Variants in ADARB2 observed in about 807,000 individuals in gnomAD.
ADARB2 encodes inactive double-stranded RNA-specific editase B2.
In ADARB2, 25 loss-of-function variants were observed where a neutral mutation model predicts 62.2. The observed-to-expected ratio is 0.40, with a 90% confidence interval of 0.29 to 0.56. The LOEUF (loss-of-function observed/expected upper bound fraction) is 0.56, where lower values mean the gene tolerates loss of function less well. Among genes scored for constraint, ADARB2 ranks in the 20% least tolerant of loss-of-function variants. ADARB2 has a pLI of 0.43. For missense variants in ADARB2, 1,071 were observed against 1,077.4 expected, an observed-to-expected ratio of 0.99 and a Z score of 0.08; for synonymous variants, 572 against 500.8, an observed-to-expected ratio of 1.14 and a Z score of -1.90.
At chr10:1,381,668 G>A (rs967096464) in intron 1 of ADARB2, among the ~76,000 whole-genome samples, 8 of 152,194 alleles carry the variant, frequency 5.3e-5, no homozygotes, top group Non-Finnish European at 1.0e-4. Context: ...TAAAAAAAGG[G>A]AAATCCTGCC....
chr10:1,543,882 TCCCATC>T (rs1426823110), intron 1 of ADARB2, among the ~76,000 whole-genome samples: 1 of 151,840 alleles, frequency 6.6e-6, no homozygotes, highest in Non-Finnish European at 1.5e-5. Flanking sequence ...CTCAAGTTCA[TCCCATC>T]AAGTCAATTT....
At chr10:1,490,647 G>A (rs1414075418) in intron 1 of ADARB2, among the ~76,000 whole-genome samples, 2 of 152,098 alleles carry the variant, frequency 1.3e-5, no homozygotes, top group African/African-American at 4.8e-5. Context: ...TAGAGATGGG[G>A]TTTCTCCATG....
chr10:1,623,019 G>A (rs934070076), intron 1 of ADARB2, among the ~76,000 whole-genome samples: 18 of 152,100 alleles, frequency 1.2e-4, no homozygotes, highest in South Asian at 2.1e-4. Flanking sequence ...ACGGACACGC[G>A]CCCCAACACA....
At chr10:1,724,388 C>A (rs577312782) in intron 1 of ADARB2, among the ~76,000 whole-genome samples, 73 of 152,370 alleles carry the variant, frequency 4.8e-4, no homozygotes, top group South Asian at 2.5e-3. Context: ...GGTGAAAGCA[C>A]TCTTCTCCCT....
chr10:1,223,916 T>A (rs1055166735), intron 6 of ADARB2, among the ~76,000 whole-genome samples: 1 of 152,190 alleles, frequency 6.6e-6, no homozygotes, highest in Non-Finnish European at 1.5e-5. Flanking sequence ...AGGCTTTGGT[T>A]TCAGGATGAT....
At chr10:1,494,878 C>T (rs1484598364) in intron 1 of ADARB2, among the ~76,000 whole-genome samples, 1 of 152,090 alleles carries the variant, frequency 6.6e-6, no homozygotes, top group Non-Finnish European at 1.5e-5. Context: ...CAGGATGAAC[C>T]ATCACCCATT....
intron 3 of ADARB2, among the ~76,000 whole-genome samples, chr10:1,326,895 GCCCA>G: frequency 2.7e-5 from 2 of 74,046 alleles, no homozygotes; most frequent in African/African-American, 5.7e-5. Context: ...CCTCCCCACT[GCCCA>G]GCGCCTCCCC....
intron 1 of ADARB2, among the ~76,000 whole-genome samples, chr10:1,560,885 C>G (rs1832778258): frequency 6.6e-6 from 1 of 152,204 alleles, no homozygotes. Context: ...AAAATGTCCT[C>G]TCTTCCAAAT....
chr10:1,413,220 A>G (rs973067500), intron 1 of ADARB2, among the ~76,000 whole-genome samples: 2 of 152,106 alleles, frequency 1.3e-5, no homozygotes, highest in African/African-American at 4.8e-5. Flanking sequence ...CAGCCAGGGC[A>G]GCAGGGGTCC....
chr10:1,649,810 A>C (rs1027626347), intron 1 of ADARB2, among the ~76,000 whole-genome samples: 4 of 152,214 alleles, frequency 2.6e-5, no homozygotes, highest in African/African-American at 9.7e-5. Context: ...TGCTGTATCT[A>C]TTCAGGCAGA....
chr10:1,566,605 G>A (rs1007634485), intron 1 of ADARB2, among the ~76,000 whole-genome samples: 10 of 151,992 alleles, frequency 6.6e-5, no homozygotes, highest in Admixed American at 1.3e-4. Context: ...TTTTCTAATA[G>A]CAGATGGCAG....
At position 1,363,762 on chromosome 10, in the gene ADARB2, G is replaced by A. The variant is rs370741862; in HGVS notation, c.343C>T (p.Leu115=). 1.8e-5 allele frequency: 29 copies of A among 1,604,594 alleles called. No individual in the cohort carries two copies. Among genetic ancestry groups the A allele is most frequent in the Non-Finnish European group, 2.3e-5 (27 of 1,179,350 alleles). The change falls in exon 3 of 10, where the codon CTG becomes TTG. Residue 115 remains leucine (L), a synonymous_variant. Transcript: ENST00000381312. Reference sequence around the variant, plus strand: ...GACCACGACAGCTTCTTCCAGACCAGCTGCAGTTTGCACAAGTGGCCCCCA... The same window carrying A: ...GACCACGACAGCTTCTTCCAGACCAACTGCAGTTTGCACAAGTGGCCCCCA... ...GNGGHLCKLQ[L]VWKKLSWSVA...
chr10:1,646,475 T>A (rs1471166285), intron 1 of ADARB2, among the ~76,000 whole-genome samples: 2 of 152,186 alleles, frequency 1.3e-5, no homozygotes, highest in Admixed American at 1.3e-4. Context: ...AAACTAATGG[T>A]GTGTGGGTCT....
intron 5 of ADARB2, among the ~76,000 whole-genome samples, chr10:1,234,293 A>G (rs1830841759): frequency 6.6e-6 from 1 of 151,448 alleles, no homozygotes; most frequent in South Asian, 2.1e-4. Flanking sequence ...CTGGCCCCCA[A>G]GTTTCTCCTT....
At position 1,426,782 on chromosome 10, in the gene ADARB2, C is replaced by T. The variant is rs868017156; in HGVS notation, c.101-47622G>A. ...TTTGCCCCTGGTTGACTCCTGACGG[C>T]GCTTACTCCACCACTGCATCCCTTC... On this transcript the variant is annotated intron_variant, in intron 1 of 9. Transcript: ENST00000381312. The surrounding 1 kb of genome is among the most constrained non-coding windows in gnomAD (Gnocchi z 4.1). Among the ~76,000 whole-genome samples the T allele has an allele frequency of 3.3e-5, 5 of 152,208 alleles. No individual in the cohort carries two copies. Among genetic ancestry groups the T allele is most frequent in the African/African-American group, 9.7e-5 (4 of 41,448 alleles).
At chr10:1,267,655 G>T (rs2131796840) in intron 4 of ADARB2, among the ~76,000 whole-genome samples, 1 of 152,244 alleles carries the variant, frequency 6.6e-6, no homozygotes, top group African/African-American at 2.4e-5. Flanking sequence ...AAAAAAACAC[G>T]CACAATATTT....
At chr10:1,328,213 T>C (rs1429540065) in intron 3 of ADARB2, among the ~76,000 whole-genome samples, 3 of 152,186 alleles carry the variant, frequency 2.0e-5, no homozygotes, top group Non-Finnish European at 4.4e-5. Flanking sequence ...AGATGAGCGA[T>C]TGTGGCGGCA....
intron 2 of ADARB2, among the ~76,000 whole-genome samples, chr10:1,374,478 T>C (rs950542119): frequency 6.6e-6 from 1 of 152,240 alleles, no homozygotes; most frequent in Admixed American, 6.5e-5. Context: ...CGCTTTATAT[T>C]GTCATGACTG....
chr10:1,695,740 A>G lies in ADARB2; in HGVS notation c.100+41311T>C, dbSNP rs145109274. On this transcript the variant is annotated intron_variant, in intron 1 of 9. Transcript: ENST00000381312. ...CATGTATGTGAGACCATGCATGTGT[A>G]TGTATACATGGAAACATGCATGTGT... Among the ~76,000 whole-genome samples the G allele has an allele frequency of 3.1e-3, 473 of 152,268 alleles. 3 individuals are homozygous for G. The highest frequency in any genetic ancestry group is 0.011 in the African/African-American group (438 of 41,576).
Sources: gnomAD v4.1 joint callset for allele counts (sites outside exome capture counted in the v4.1 genomes callset) on GRCh38, gnomAD v4.1.1 for gene constraint, Gnocchi (gnomAD v3.1) non-coding constraint, MANE v1.5 for transcripts, NCBI Gene and HGNC (gene_info 2026-07-23, HGNC 2026-07-21) for gene names.